FARP2: variants seen among roughly 807,000 people sequenced by gnomAD.
FARP2 encodes the protein FERM, ARH/RhoGEF and pleckstrin domain protein 2, also known as FERM, ARHGEF and pleckstrin domain-containing protein 2.
Under a neutral mutation model 130.5 loss-of-function variants are expected in FARP2, and 111 were observed. The observed-to-expected ratio is 0.85, with a 90% CI of 0.73 to 1.00. The LOEUF is 1.00. Among genes scored for constraint, FARP2 ranks in the 50% least tolerant of loss-of-function variants. The pLI is 0.00. For missense variants in FARP2, 1,385 were observed against 1,346.3 expected, an observed-to-expected ratio of 1.03 and a Z score of -0.45; for synonymous variants, 504 against 516.9, an observed-to-expected ratio of 0.98 and a Z score of 0.34.
intron 24 of FARP2, among the ~76,000 whole-genome samples, chr2:241,492,437 C>T (rs535002630): frequency 1.3e-5 from 2 of 152,330 alleles, no homozygotes; most frequent in South Asian, 2.1e-4. Flanking sequence ...ACCCTGAAGG[C>T]GGGAGGCTCA....
intron 8 of FARP2, among the ~76,000 whole-genome samples, chr2:241,425,174 T>C (rs937751994): frequency 2.0e-5 from 3 of 151,706 alleles, no homozygotes; most frequent in Non-Finnish European, 4.4e-5. Context: ...GCCACTATAC[T>C]CCAGTCTGGG....
At chr2:241,491,273 A>C in intron 23 of FARP2, 94 bp downstream of exon 23, 1 of 975,530 alleles carries the variant, frequency 1.0e-6, no homozygotes, top group Non-Finnish European at 1.6e-6. Context: ...TGGCCCGCTA[A>C]GTTCCCACAC....
At chr2:241,435,533 A>G (rs2063204250) in intron 11 of FARP2, among the ~76,000 whole-genome samples, 1 of 137,428 alleles carries the variant, frequency 7.3e-6, no homozygotes, top group Admixed American at 7.4e-5. Context: ...TTTTTTTGAG[A>G]CGGAGTCTCG....
Position 241,475,987 on chromosome 2 carries a change from G to T in FARP2, c.2262G>T (p.Arg754Ser), listed in dbSNP as rs751848244. Residue 754 changes from arginine (R) to serine (S), a missense_variant and splice_region_variant, in exon 19 of 27, where the codon AGG (arginine) becomes AGT (serine). Arg to Ser is a moderately radical substitution (Grantham distance 110, BLOSUM62 -1). Coordinates refer to ENST00000264042, the MANE Select transcript of FARP2 (RefSeq NM_014808.4). This position sits in a 1 kb window ranked among gnomAD's most constrained non-coding sequence, Gnocchi z 4.4. Reference protein sequence around the residue: ...VGIENLIAPGREFIREGCLHK... With the variant: ...VGIENLIAPGSEFIREGCLHK... ...TAGAGAACCTCATTGCTCCTGGCAG[G>T]GTGAGTGACCTTGCTCTGGGAATGT... 6 of 1,609,096 alleles carry T rather than the reference G, an allele frequency of 3.7e-6. No individual in the cohort carries two copies. The highest frequency in any genetic ancestry group is 1.3e-5 in the African/African-American group (1 of 74,626).
At chr2:241,375,212 A>G (rs2061508575) in intron 2 of FARP2, among the ~76,000 whole-genome samples, 1 of 152,036 alleles carries the variant, frequency 6.6e-6, no homozygotes, top group African/African-American at 2.4e-5. Flanking sequence ...CGGCCTCCCA[A>G]AGTGCTGGAA....
At position 241,384,964 on chromosome 2, in the gene FARP2, A is replaced by G. The variant is rs76192139; in HGVS notation, c.183+11674A>G. ...TAAAAACATAGAAAATAATAGAAAC[A>G]TGTCCTAAATTTAATTATGAATATT... On this transcript the variant is annotated intron_variant, in intron 2 of 26. Transcript: ENST00000264042. Among the ~76,000 whole-genome samples the G allele has an allele frequency of 0.012, 1,821 of 152,328 alleles. 125 individuals carry two copies. In the East Asian group the frequency reaches 0.17, roughly 14 times the overall value.
chr2:241,404,004 C>T, intron 3 of FARP2, 72 bp downstream of exon 3: 1 of 772,708 alleles, frequency 1.3e-6, no homozygotes, highest in South Asian at 1.5e-5. Context: ...GATCTTTCAT[C>T]ATTGCCACAT....
intron 13 of FARP2, among the ~76,000 whole-genome samples, chr2:241,451,413 C>T (rs886537595): frequency 6.6e-6 from 1 of 152,164 alleles, no homozygotes; most frequent in African/African-American, 2.4e-5. Flanking sequence ...AACATAACTA[C>T]TGTTTGTATC....
intron 2 of FARP2, among the ~76,000 whole-genome samples, chr2:241,382,295 T>C: frequency 1.4e-5 from 2 of 147,232 alleles, no homozygotes; most frequent in Non-Finnish European, 1.5e-5. Flanking sequence ...AAAATCTATT[T>C]TTTTTTTTTT....
At chr2:241,439,034 C>CTT (rs879576168) in intron 12 of FARP2, among the ~76,000 whole-genome samples, 1 of 149,762 alleles carries the variant, frequency 6.7e-6, no homozygotes, top group East Asian at 1.9e-4. Flanking sequence ...ATTTTTTTTT[C>CTT]TTTTTTTTTG....
At chr2:241,451,013 C>T (rs1447846284) in intron 13 of FARP2, among the ~76,000 whole-genome samples, 2 of 152,122 alleles carry the variant, frequency 1.3e-5, no homozygotes, top group Non-Finnish European at 2.9e-5. Flanking sequence ...AGTGTGGTGG[C>T]CTGATCATGG....
rs902596264 is a variant in FARP2 at position 241,430,840 on chromosome 2, C to A, written c.772-839C>A. On this transcript the variant is annotated intron_variant, in intron 8 of 26. Transcript: ENST00000264042. ...CCAACATGGTGAAACCCCATCTCTA[C>A]TAAAAATACAAAAATTAGGTGTGGT... 4.6e-5 allele frequency among the ~76,000 whole-genome samples: 7 copies of A among 152,072 alleles called. No homozygotes were observed. In the South Asian group the frequency reaches 1.5e-3, roughly 32 times the overall value.
At chr2:241,379,419 A>G (rs2061611263) in intron 2 of FARP2, among the ~76,000 whole-genome samples, 1 of 152,190 alleles carries the variant, frequency 6.6e-6, no homozygotes, top group Non-Finnish European at 1.5e-5. Flanking sequence ...GGTTTTCTTC[A>G]TTATTGTTCA....
chr2:241,434,213 A>G lies in FARP2; in HGVS notation c.923A>G (p.Asn308Ser). The G allele has an allele frequency of 6.2e-7, 1 of 1,613,926 alleles. No individual in the cohort carries two copies. The highest frequency in any genetic ancestry group is 8.5e-7 in the Non-Finnish European group (1 of 1,179,850). The change falls in exon 10 of 27, where the codon AAC becomes AGC. Residue 308 changes from asparagine (N) to serine (S), a missense_variant. Physicochemically the swap from Asn to Ser is conservative, Grantham distance 46. Transcript: ENST00000264042. ...TTGGGTAGTAGAGATGAATGTAAGA[A>G]CTTCTGGAAGATTTGTGTGGAGTAT... Reference protein sequence around the residue: ...FLLGSRDECKNFWKICVEYHT... With the variant: ...FLLGSRDECKSFWKICVEYHT...
intron 2 of FARP2, among the ~76,000 whole-genome samples, chr2:241,379,912 T>A (rs1307744128): frequency 6.6e-6 from 1 of 152,188 alleles, no homozygotes; most frequent in African/African-American, 2.4e-5. Flanking sequence ...ACCCTGATGC[T>A]CAAGAATGTG....
intron 2 of FARP2, among the ~76,000 whole-genome samples, chr2:241,388,240 A>G (rs1356205504): frequency 6.6e-6 from 1 of 152,254 alleles, no homozygotes; most frequent in Non-Finnish European, 1.5e-5. Flanking sequence ...CTTATAGATC[A>G]ATGAAATAGA....
At chr2:241,460,367 G>T (rs1166202805) in intron 14 of FARP2, among the ~76,000 whole-genome samples, 2 of 152,084 alleles carry the variant, frequency 1.3e-5, no homozygotes, top group Non-Finnish European at 2.9e-5. Context: ...CTGCAGCCTT[G>T]TACTTCTGTG....
chr2:241,476,013 T>G (rs1268116615), intron 19 of FARP2, 26 bp downstream of exon 19: 7 of 1,590,966 alleles, frequency 4.4e-6, no homozygotes, highest in Non-Finnish European at 6.0e-6. Flanking sequence ...CTGGGAATGT[T>G]TTTTGAGCTA....
At chr2:241,378,270 A>T (rs887395804) in intron 2 of FARP2, among the ~76,000 whole-genome samples, 5 of 141,622 alleles carry the variant, frequency 3.5e-5, no homozygotes, top group Admixed American at 2.9e-4. Flanking sequence ...CCCGGCTAAT[A>T]TTTTTTTTTT....
Sources: gnomAD v4.1 joint callset for allele counts (sites outside exome capture counted in the v4.1 genomes callset) on GRCh38, gnomAD v4.1.1 for gene constraint, Gnocchi (gnomAD v3.1) non-coding constraint, MANE v1.5 for transcripts, NCBI Gene and HGNC (gene_info 2026-07-23, HGNC 2026-07-21) for gene names.